CSPP1: variants seen among roughly 807,000 people sequenced by gnomAD.
The protein encoded by CSPP1 is centrosome and spindle pole-associated protein 1.
In CSPP1, 126 loss-of-function variants were observed where a neutral mutation model predicts 164.4. The observed-to-expected ratio is 0.77, with a 90% CI of 0.66 to 0.89. The LOEUF (loss-of-function observed/expected upper bound fraction) is 0.89. Among genes scored for constraint, CSPP1 ranks in the 40% least tolerant of loss-of-function variants. The pLI is 0.00. For synonymous variants in CSPP1, 472 were observed against 476.7 expected (o/e 0.99, Z 0.13); for missense variants, 1,395 against 1,449.8 (o/e 0.96, Z 0.61).
chr8:67,158,310 T>C, intron 19 of CSPP1, 137 bp from the exon 20 acceptor site: 1 of 917,672 alleles, frequency 1.1e-6, no homozygotes, highest in Non-Finnish European at 1.5e-6. Flanking sequence ...TCCCTGAAAA[T>C]ACAGGAGACT....
At chr8:67,088,342 C>CAGTG (rs1187266308) in intron 4 of CSPP1, among the ~76,000 whole-genome samples, 1 of 151,672 alleles carries the variant, frequency 6.6e-6, no homozygotes, top group African/African-American at 2.4e-5. Flanking sequence ...GGCTGGAGTG[C>CAGTG]AGTGGTACGA....
At chr8:67,176,024 G>C (rs1396590306) in intron 26 of CSPP1, among the ~76,000 whole-genome samples, 3 of 147,512 alleles carry the variant, frequency 2.0e-5, no homozygotes, top group Non-Finnish European at 3.0e-5. Flanking sequence ...GGAGAAGTGT[G>C]ATGCTAAAGA....
intron 15 of CSPP1, 112 bp from the exon 16 acceptor site, chr8:67,131,839 C>T: frequency 1.1e-6 from 1 of 933,840 alleles, no homozygotes; most frequent in African/African-American, 1.7e-5. Flanking sequence ...AGAGAAATAT[C>T]CTTCTGTATT....
At chr8:67,099,211 A>T (rs1206653399) in intron 7 of CSPP1, 1 of 152,000 alleles carries the variant, frequency 6.6e-6, no homozygotes, top group African/African-American at 2.4e-5. Context: ...TTTCAAAGTT[A>T]TGAGTTCTGT....
intron 13 of CSPP1, among the ~76,000 whole-genome samples, chr8:67,116,992 C>T (rs1280117990): frequency 6.6e-6 from 1 of 152,136 alleles, no homozygotes; most frequent in African/African-American, 2.4e-5. Context: ...TTGGAATTAA[C>T]AGAGCATTTT....
chr8:67,101,066 G>T (rs2129546711), intron 7 of CSPP1, among the ~76,000 whole-genome samples: 1 of 152,256 alleles, frequency 6.6e-6, no homozygotes, highest in Middle Eastern at 3.4e-3. Flanking sequence ...AAGCTTCCAA[G>T]GGGTCTCTCC....
At chr8:67,069,662 C>CTTT (rs1228205792) in intron 1 of CSPP1, among the ~76,000 whole-genome samples, 2 of 124,112 alleles carry the variant, frequency 1.6e-5, no homozygotes. Context: ...TCTTTTCTTT[C>CTTT]TTTTTTTTTT....
chr8:67,195,529 A>C lies in CSPP1; in HGVS notation c.3617A>C (p.Gln1206Pro). 1 of 1,614,232 alleles carries C rather than the reference A, an allele frequency of 6.2e-7. No homozygotes were observed. The highest frequency in any genetic ancestry group is 8.5e-7 in the Non-Finnish European group (1 of 1,180,040). Residue 1206 changes from glutamine (Q) to proline (P), a missense_variant, in exon 31 of 31, where the codon CAG becomes CCG. Transcript: ENST00000678616. The stretch of plus-strand genomic sequence containing the variant: ...ATGGCAGAGCAGCTGAACCAGGAGC[A>C]GCAGCAGATTCCTGGAAAACCAGGC... Reference protein sequence around the residue: ...RFMAEQLNQEQQQIPGKPGTF... With the variant: ...RFMAEQLNQEPQQIPGKPGTF...
At chr8:67,088,921 C>T (rs1486403923) in intron 4 of CSPP1, among the ~76,000 whole-genome samples, 1 of 150,936 alleles carries the variant, frequency 6.6e-6, no homozygotes, top group African/African-American at 2.4e-5. Context: ...AGAATATAGT[C>T]TTGTAGAGGA....
At chr8:67,075,103 T>C (rs1238094199) in intron 2 of CSPP1, among the ~76,000 whole-genome samples, 1 of 152,164 alleles carries the variant, frequency 6.6e-6, no homozygotes, top group Admixed American at 6.5e-5. Flanking sequence ...CTTAAAGCAA[T>C]GTCTTAAAGG....
At chr8:67,066,665 CCT>C (rs1298309620) in intron 1 of CSPP1, among the ~76,000 whole-genome samples, 2 of 152,122 alleles carry the variant, frequency 1.3e-5, no homozygotes, top group Non-Finnish European at 2.9e-5. Context: ...CTCCTAAACC[CCT>C]GTCAGCCTCT....
At chr8:67,098,183 C>G (rs145694560) in intron 7 of CSPP1, among the ~76,000 whole-genome samples, 1 of 151,392 alleles carries the variant, frequency 6.6e-6, no homozygotes, top group Non-Finnish European at 1.5e-5. Flanking sequence ...AGCATTTATT[C>G]TTAACATACT....
chr8:67,156,090 A>G (rs937419471), intron 19 of CSPP1, among the ~76,000 whole-genome samples: 11 of 152,172 alleles, frequency 7.2e-5, no homozygotes, highest in African/African-American at 2.7e-4. Flanking sequence ...AGTTCTTATC[A>G]TGGTCTAAGG....
At chr8:67,170,528 T>C (rs1830272617) in intron 24 of CSPP1, among the ~76,000 whole-genome samples, 4 of 152,182 alleles carry the variant, frequency 2.6e-5, no homozygotes, top group Admixed American at 2.6e-4. Flanking sequence ...ATTTTACAGA[T>C]GATGGAATCG....
chr8:67,083,381 A>G (rs1809618906), intron 3 of CSPP1, among the ~76,000 whole-genome samples: 1 of 151,256 alleles, frequency 6.6e-6, no homozygotes, highest in Non-Finnish European at 1.5e-5. Flanking sequence ...AAAATACAAA[A>G]ATTAGCCAGG....
At chr8:67,178,640 A>G (rs1832261783) in intron 27 of CSPP1, among the ~76,000 whole-genome samples, 1 of 152,194 alleles carries the variant, frequency 6.6e-6, no homozygotes, top group African/African-American at 2.4e-5. Context: ...GGTAGGCAAC[A>G]TTTGAGTAAG....
At position 67,191,848 on chromosome 8, in the gene CSPP1, T is replaced by G. The variant is rs201598538; in HGVS notation, c.3330+1089T>G. ...GTACCAGACTTTTCCAAAGTGGCTGTACCATTTTACCTTCCCATCATCCAC... is the reference window on the plus strand; with the variant it reads ...GTACCAGACTTTTCCAAAGTGGCTGGACCATTTTACCTTCCCATCATCCAC... On this transcript the variant is annotated intron_variant, in intron 29 of 30. Coordinates refer to ENST00000678616, the MANE Select transcript of CSPP1 (RefSeq NM_001382391.1). Among the ~76,000 whole-genome samples, 29 of 152,344 alleles carry G rather than the reference T, an allele frequency of 1.9e-4. No homozygotes were observed. In the East Asian group the frequency reaches 5.6e-3, roughly 29 times the overall value.
intron 1 of CSPP1, among the ~76,000 whole-genome samples, chr8:67,066,064 A>C (rs1265933706): frequency 3.9e-5 from 6 of 152,212 alleles, no homozygotes; most frequent in Non-Finnish European, 8.8e-5. Context: ...GTGTTTCAGC[A>C]ATTTGGCATA....
In CSPP1 at chr8:67,105,931, C is replaced by G; in HGVS notation, c.1049C>G (p.Ser350Cys). 1 of 1,591,140 alleles carries G rather than the reference C, an allele frequency of 6.3e-7. No individual in the cohort carries two copies. Among genetic ancestry groups the G allele is most frequent in the Non-Finnish European group, 8.6e-7 (1 of 1,159,224 alleles). The change falls in exon 9 of 31, where the codon TCT (serine) becomes TGT (cysteine). Residue 350 changes from serine to cysteine, a missense_variant. Physicochemically the swap from Ser to Cys is moderately radical, Grantham distance 112. Transcript: ENST00000678616. ...GCTCCAGACAATGAAACATCCAAATCTGCTAATCAAGATACCTGTAGTCCT... is the reference window on the plus strand; with the variant it reads ...GCTCCAGACAATGAAACATCCAAATGTGCTAATCAAGATACCTGTAGTCCT... ...KSAPDNETSK[S>C]ANQDTCSPFA...
Sources: gnomAD v4.1 joint callset for allele counts (sites outside exome capture counted in the v4.1 genomes callset) on GRCh38, gnomAD v4.1.1 for gene constraint, MANE v1.5 for transcripts, NCBI Gene and HGNC (gene_info 2026-07-23, HGNC 2026-07-21) for gene names.